DIAPH2: variants seen among roughly 807,000 people sequenced by gnomAD.
DIAPH2 encodes the protein protein diaphanous homolog 2.
Under a neutral mutation model 92.7 loss-of-function variants are expected in DIAPH2, and 35 were observed. The ratio of observed to expected loss-of-function variants is 0.38; its 90% CI spans 0.29 to 0.50. DIAPH2 has a LOEUF of 0.50. DIAPH2 is among the 20% of genes least tolerant of loss of function. DIAPH2 has a pLI of 0.94. For missense variants in DIAPH2, 701 were observed against 819.5 expected (o/e 0.86, Z 1.77); for synonymous variants, 301 against 280.4 (o/e 1.07, Z -0.73).
intron 17 of DIAPH2, among the ~76,000 whole-genome samples, chrX:96,979,275 A>G (rs1014403098): frequency 1.8e-5 from 2 of 112,159 alleles, no homozygotes; most frequent in African/African-American, 6.5e-5. Context: ...TTCTTTGATG[A>G]CTTCAACAGA....
chrX:97,364,759 G>GTTTTTTTTTTGT (rs2069362456), intron 24 of DIAPH2, among the ~76,000 whole-genome samples: 1 of 56,568 alleles, frequency 1.8e-5, no homozygotes, highest in African/African-American at 5.8e-5. Flanking sequence ...GTCTCCTGGT[G>GTTTTTTTTTTGT]TTTTTTTTTT....
intron 4 of DIAPH2, among the ~76,000 whole-genome samples, chrX:96,847,444 A>AAGT (rs1316635436): frequency 8.9e-6 from 1 of 111,938 alleles, no homozygotes; most frequent in African/African-American, 3.2e-5. Context: ...GGTCATGAGC[A>AAGT]AGTCACTAAG....
At chrX:97,363,804 C>T (rs1459215049) in intron 24 of DIAPH2, among the ~76,000 whole-genome samples, 1 of 110,071 alleles carries the variant, frequency 9.1e-6, no homozygotes, top group Non-Finnish European at 1.9e-5. Context: ...AGACAGGAAG[C>T]TCTGACAAAA....
chrX:97,111,784 G>A (rs1043416167), intron 20 of DIAPH2, among the ~76,000 whole-genome samples: 6 of 111,238 alleles, frequency 5.4e-5, no homozygotes, highest in South Asian at 3.8e-4. Flanking sequence ...GAGAGTCTGG[G>A]GTCTGTAGCC....
chrX:97,498,766 A>G (rs2070776489), intron 26 of DIAPH2, among the ~76,000 whole-genome samples: 1 of 111,686 alleles, frequency 9.0e-6, no homozygotes, highest in African/African-American at 3.3e-5. Context: ...ACAGCACACC[A>G]ATGATTGTTA....
intron 26 of DIAPH2, among the ~76,000 whole-genome samples, chrX:97,559,210 G>A (rs1345895927): frequency 2.7e-5 from 3 of 111,879 alleles, no homozygotes; most frequent in African/African-American, 9.8e-5. Flanking sequence ...AAACAGTCCG[G>A]GTCGGGCATG....
Position 97,277,698 on chromosome X carries a change from A to T in DIAPH2, c.2844+29859A>T, listed in dbSNP as rs1400130425. Among the ~76,000 whole-genome samples the T allele has an allele frequency of 5.4e-5, 6 of 111,746 alleles. No homozygotes were observed. In the Admixed American group the frequency reaches 5.7e-4, roughly 11 times the overall value. On this transcript the variant is annotated intron_variant, in intron 23 of 26. Coordinates refer to ENST00000324765, the MANE Select transcript of DIAPH2 (RefSeq NM_006729.5). The stretch of plus-strand genomic sequence containing the variant: ...CCTACTGGATTTGGGAGCTATCCTT[A>T]TGCCTCCCATTCTTACCCTGTTCCT...
At chrX:96,834,347 A>G (rs140029316) in intron 4 of DIAPH2, among the ~76,000 whole-genome samples, 1,208 of 111,988 alleles carry the variant, frequency 0.011, 23 homozygotes, top group African/African-American at 0.036. Context: ...TAACAGGGAT[A>G]CCCACACTGG....
intron 26 of DIAPH2, among the ~76,000 whole-genome samples, chrX:97,492,773 T>C (rs1322633834): frequency 8.9e-6 from 1 of 112,222 alleles, no homozygotes; most frequent in Non-Finnish European, 1.9e-5. Context: ...ATAGTCTTAT[T>C]GAGGACTCAC....
intron 17 of DIAPH2, among the ~76,000 whole-genome samples, chrX:97,054,165 T>C (rs1041547792): frequency 8.0e-5 from 9 of 112,021 alleles, no homozygotes; most frequent in Non-Finnish European, 1.3e-4. Flanking sequence ...TTTATAGATA[T>C]AGAGGTTGAA....
intron 23 of DIAPH2, among the ~76,000 whole-genome samples, chrX:97,343,879 A>G (rs2069134627): frequency 9.0e-6 from 1 of 111,117 alleles, no homozygotes; most frequent in Admixed American, 9.6e-5. Flanking sequence ...TATTATTGTA[A>G]ACAATACACT....
intron 17 of DIAPH2, among the ~76,000 whole-genome samples, chrX:97,056,497 C>T (rs934941762): frequency 7.1e-5 from 8 of 112,021 alleles, no homozygotes; most frequent in African/African-American, 2.6e-4. Flanking sequence ...AAATAATCAT[C>T]TTTGCCTTTG....
At chrX:96,978,646 AATT>A (rs1343000049) in intron 17 of DIAPH2, among the ~76,000 whole-genome samples, 2 of 110,394 alleles carry the variant, frequency 1.8e-5, no homozygotes, top group Non-Finnish European at 3.8e-5. Context: ...GAATAATATT[AATT>A]ATTAATTATT....
At chrX:97,142,549 A>G (rs1384441914) in intron 22 of DIAPH2, among the ~76,000 whole-genome samples, 2 of 111,565 alleles carry the variant, frequency 1.8e-5, no homozygotes, top group Non-Finnish European at 3.8e-5. Flanking sequence ...TTGAAGGGAT[A>G]GAATAGACAA....
intron 22 of DIAPH2, among the ~76,000 whole-genome samples, chrX:97,179,793 T>C (rs2067524447): frequency 1.8e-5 from 2 of 112,081 alleles, no homozygotes; most frequent in Non-Finnish European, 3.8e-5. Context: ...AAGAGGTTTA[T>C]TTGAACTTAG....
intron 13 of DIAPH2, among the ~76,000 whole-genome samples, chrX:96,943,546 A>G (rs2147805324): frequency 9.0e-6 from 1 of 111,155 alleles, no homozygotes; most frequent in Admixed American, 9.6e-5. Context: ...TCAAATATGT[A>G]TATTAGCTTA....
intron 5 of DIAPH2, chrX:96,884,297 G>C (rs1369498408): frequency 8.3e-7 from 1 of 1,200,452 alleles, no homozygotes. Flanking sequence ...TCCTCAGCCT[G>C]AGCTGTCTTG....
intron 4 of DIAPH2, among the ~76,000 whole-genome samples, chrX:96,816,212 C>G (rs2064733628): frequency 8.9e-6 from 1 of 111,803 alleles, no homozygotes; most frequent in Admixed American, 9.5e-5. Flanking sequence ...TGTATGTTTT[C>G]TTTATCCACT....
chrX:96,743,971 TAA>T (rs57592640), intron 3 of DIAPH2, among the ~76,000 whole-genome samples: 6,177 of 111,303 alleles, frequency 0.055, 195 homozygotes, highest in Middle Eastern at 0.16. Flanking sequence ...ATCTGTCAAT[TAA>T]AAAAACTTAT....
Sources: allele counts gnomAD v4.1 joint callset (sites outside exome capture counted in the v4.1 genomes callset), GRCh38; gene constraint gnomAD v4.1.1; transcripts MANE v1.5; gene names NCBI Gene and HGNC (gene_info 2026-07-23, HGNC 2026-07-21).